CASKIN1: variants seen among roughly 807,000 people sequenced by gnomAD.
CASKIN1 encodes CASK interacting protein 1.
A neutral mutation model predicts 117.5 loss-of-function variants in CASKIN1; 42 were observed. The observed-to-expected ratio is 0.36, with a 90% confidence interval of 0.28 to 0.46. The LOEUF (loss-of-function observed/expected upper bound fraction) is 0.46, where lower values mean the gene tolerates loss of function less well. Ranked by LOEUF, CASKIN1 falls within the 20% of genes least tolerant of loss-of-function variation. The probability of loss-of-function intolerance (pLI) is 1.00; values close to 1 mark genes in which losing one functional copy is unlikely to be tolerated. For missense variants in CASKIN1, 2,083 were observed against 2,077.3 expected, an observed-to-expected ratio of 1.00 and a Z score of -0.05; for synonymous variants, 1,148 against 961.7, an observed-to-expected ratio of 1.19 and a Z score of -3.59.
In CASKIN1 at chr16:2,178,655, C is replaced by A. The variant is rs1259158480; in HGVS notation, c.4200-9G>T. Reference sequence around the variant, plus strand: ...TTTCCGCCGCCGAGTCGCTGCGGGGCGCGGGGCAAGGGGCGTGAGTGGGCG... The same window carrying A: ...TTTCCGCCGCCGAGTCGCTGCGGGGAGCGGGGCAAGGGGCGTGAGTGGGCG... On this transcript the variant is annotated splice_polypyrimidine_tract_variant and intron_variant, in intron 19 of 19. Transcript: ENST00000343516. The A allele has an allele frequency of 2.5e-6, 4 of 1,582,130 alleles. No individual in the cohort carries two copies. The highest frequency in any genetic ancestry group is 2.6e-6 in the Non-Finnish European group (3 of 1,171,440).
At position 2,178,665 on chromosome 16, in the gene CASKIN1, G is replaced by A. The variant is rs762072410; in HGVS notation, c.4200-19C>T. ...CGAGTCGCTGCGGGGCGCGGGGCAA[G>A]GGGCGTGAGTGGGCGGGGCGGGTCT... is the stretch of plus-strand genomic sequence containing the variant. On this transcript the variant is annotated intron_variant, in intron 19 of 19. Transcript: ENST00000343516. The A allele has an allele frequency of 2.3e-4, 360 of 1,578,840 alleles. 2 individuals are homozygous for A. Among genetic ancestry groups the A allele is most frequent in the African/African-American group, 3.9e-4 (28 of 72,062 alleles).
Position 2,187,280 on chromosome 16 carries a change from C to A in CASKIN1, c.727-6G>T. The A allele has an allele frequency of 6.2e-7, 1 of 1,613,990 alleles. No individual in the cohort carries two copies. Among genetic ancestry groups the A allele is most frequent in the Non-Finnish European group, 8.5e-7 (1 of 1,179,958 alleles). On this transcript the variant is annotated splice_polypyrimidine_tract_variant and splice_region_variant and intron_variant, in intron 7 of 19. Transcript: ENST00000343516. ...ACGTGGGCATTGATCCCGCTCTGCA[C>A]ATGTGAGAGATGAGGCTCTGTCAGG...
intron 17 of CASKIN1, 28 bp downstream of exon 17, chr16:2,181,763 G>C (rs778364644): frequency 1.2e-5 from 20 of 1,607,200 alleles, no homozygotes; most frequent in South Asian, 7.7e-5. Flanking sequence ...GGTTGGGCTG[G>C]GGACGAGGGC....
rs774955497 is a variant in CASKIN1 at position 2,189,403 on chromosome 16, C to G, written c.390+16G>C. The G allele has an allele frequency of 6.2e-7, 1 of 1,610,446 alleles. No individual in the cohort carries two copies. On this transcript the variant is annotated intron_variant, in intron 4 of 19. Coordinates refer to ENST00000343516, the MANE Select transcript of CASKIN1 (RefSeq NM_020764.4). ...GCTGCCCCGCCCCCGCTGCCCCGCC[C>G]CCGCTCGGGCCTCACCACATCATAG...
chr16:2,196,159 C>T lies in CASKIN1; in HGVS notation c.94+180G>A, dbSNP rs2093215401. Among the ~76,000 whole-genome samples, 1 of 151,916 alleles carries T rather than the reference C, an allele frequency of 6.6e-6. No individual in the cohort carries two copies. The highest frequency in any genetic ancestry group is 1.5e-5 in the Non-Finnish European group (1 of 67,918). ...TGGCGGCCGGCTCTCGGGGCCGCCC[C>T]ATCTCCAGTGCTGGGGGCAGCGGGT... is the stretch of plus-strand genomic sequence containing the variant. On this transcript the variant is annotated intron_variant, in intron 1 of 19. Transcript: ENST00000343516. This position sits in a 1 kb window ranked among gnomAD's most constrained non-coding sequence, Gnocchi z 5.7.
At chr16:2,195,209 A>G (rs532771282) in intron 1 of CASKIN1, among the ~76,000 whole-genome samples, 32 of 152,302 alleles carry the variant, frequency 2.1e-4, no homozygotes, top group African/African-American at 7.7e-4. Flanking sequence ...CACAGAGTGG[A>G]CAGGAGCTAG....
intron 2 of CASKIN1, 67 bp from the exon 3 acceptor site, chr16:2,190,237 C>T: frequency 6.3e-7 from 1 of 1,591,890 alleles, no homozygotes; most frequent in Non-Finnish European, 8.6e-7. Flanking sequence ...ACCCTGCCCT[C>T]CCCCGGCACC....
chr16:2,186,036 A>G (rs1051423669), intron 10 of CASKIN1, among the ~76,000 whole-genome samples: 3 of 152,000 alleles, frequency 2.0e-5, no homozygotes, highest in Non-Finnish European at 4.4e-5. Context: ...GGCTGGTGCA[A>G]TCTTCGCTCA....
chr16:2,189,480 A>G lies in CASKIN1; in HGVS notation c.329T>C (p.Ile110Thr). 6.2e-7 allele frequency: 1 copy of G among 1,612,132 alleles called. No homozygotes were observed. The highest frequency in any genetic ancestry group is 8.5e-7 in the Non-Finnish European group (1 of 1,179,772). Residue 110 changes from isoleucine to threonine, a missense_variant, in exon 4 of 20, where the codon ATC becomes ACC. Ile to Thr is a moderately conservative substitution (Grantham distance 89). Around this residue, in one of 3 missense-constraint regions of CASKIN1, gnomAD observed 203 missense variants for 338.7 expected, o/e 0.60. Transcript: ENST00000343516. ...LVLKAGSAVNIPSDEGHIPLH... is the reference protein window; with the variant it reads ...LVLKAGSAVNTPSDEGHIPLH... ...GGGGATGTGGCCCTCATCAGACGGG[A>G]TGTTCACGGCCGAGCCCGCCTTCAG...
intron 3 of CASKIN1, 46 bp from the exon 4 acceptor site, chr16:2,189,610 C>T (rs558745946): frequency 6.5e-7 from 1 of 1,550,164 alleles, no homozygotes; most frequent in Admixed American, 1.8e-5. Flanking sequence ...ACCCCAAACC[C>T]AACCCTGGAG....
Position 2,179,399 on chromosome 16 carries a change from G to A in CASKIN1, c.3776-74C>T. ...GCGCCCCCTGCCCCAGCCTCCCGCG[G>A]CTTCCTCCCCAGCGGACCGGGAAAG... On this transcript the variant is annotated intron_variant, in intron 18 of 19. Transcript: ENST00000343516. The surrounding 1 kb of genome is among the most constrained non-coding windows in gnomAD (Gnocchi z 5.8). 7.7e-7 allele frequency: 1 copy of A among 1,306,442 alleles called. No individual in the cohort carries two copies. The highest frequency in any genetic ancestry group is 2.5e-5 in the South Asian group (1 of 39,588). 80.9% of individuals were successfully genotyped at this position (1,306,442 alleles called of 1,614,324 possible).
chr16:2,179,954 G>C lies in CASKIN1; in HGVS notation c.3414C>G (p.Val1138=), dbSNP rs1256544443. The part of the protein sequence containing the change: ...IRAKQNQQEN[V]KFILTESDTV... ...TGTCAGACTCGGTCAGGATGAACTTGACGTTCTCCTGCTGGTTCTGCTTGG... is the reference window on the plus strand; with the variant it reads ...TGTCAGACTCGGTCAGGATGAACTTCACGTTCTCCTGCTGGTTCTGCTTGG... The change falls in exon 18 of 20, where the codon GTC becomes GTG. Residue 1138 remains valine (V), a synonymous_variant. Coordinates refer to ENST00000343516, the MANE Select transcript of CASKIN1 (RefSeq NM_020764.4). The surrounding 1 kb of genome is among the most constrained non-coding windows in gnomAD (Gnocchi z 5.8). The C allele has an allele frequency of 4.4e-6, 7 of 1,606,714 alleles. No homozygotes were observed. The highest frequency in any genetic ancestry group is 2.2e-5 in the East Asian group (1 of 44,506).
Position 2,179,315 on chromosome 16 carries a change from G to A in CASKIN1, c.3786C>T (p.Arg1262=). 1 of 1,238,004 alleles carries A rather than the reference G, an allele frequency of 8.1e-7. No homozygotes were observed. The highest frequency in any genetic ancestry group is 1.0e-6 in the Non-Finnish European group (1 of 992,538). 76.7% of individuals were successfully genotyped at this position (1,238,004 alleles called of 1,614,324 possible). A position where few individuals can be genotyped will look rare whatever the true frequency, so the allele number is the denominator to read the frequency against. The change falls in exon 19 of 20, where the codon CGC becomes CGT. Residue 1262 remains arginine (R), a synonymous_variant. Coordinates refer to ENST00000343516, the MANE Select transcript of CASKIN1 (RefSeq NM_020764.4). This position sits in a 1 kb window ranked among gnomAD's most constrained non-coding sequence, Gnocchi z 5.8. ...ACACGGGCGGTGGCGTGCCGTGGGC[G>A]CGCTTCACCTCTGCGGGGAGGACCA... ...LPGPGSPEVK[R]AHGTPPPVSP...
intron 10 of CASKIN1, among the ~76,000 whole-genome samples, chr16:2,186,175 C>T (rs112314618): frequency 7.8e-4 from 119 of 152,268 alleles, no homozygotes; most frequent in African/African-American, 2.8e-3. Context: ...CACTATGTTG[C>T]CCAGGCTGAT....
chr16:2,190,008 G>C, intron 3 of CASKIN1, 65 bp downstream of exon 3: 1 of 1,420,144 alleles, frequency 7.0e-7, no homozygotes, highest in South Asian at 1.2e-5. Context: ...ATCCATGCAG[G>C]CCCTGGGGAG....
rs1474057080 is a variant in CASKIN1 at position 2,180,208 on chromosome 16, C to T, written c.3160G>A (p.Gly1054Arg). The change falls in exon 18 of 20, where the codon GGG becomes AGG. Residue 1054 changes from glycine to arginine, a missense_variant. By Grantham distance (125) the Gly-to-Arg change is moderately radical (BLOSUM62 -2). Coordinates refer to ENST00000343516, the MANE Select transcript of CASKIN1 (RefSeq NM_020764.4). Reference sequence around the variant, plus strand: ...CGGTTCACCACCTCCCCGCCAGGCCCGATGGCCTCTTTGTGTTTCACTGAG... The same window carrying T: ...CGGTTCACCACCTCCCCGCCAGGCCTGATGGCCTCTTTGTGTTTCACTGAG... ...LASVKHKEAI[G>R]PGGEVVNRRR... 6.5e-6 allele frequency: 10 copies of T among 1,550,036 alleles called. No homozygotes were observed. The highest frequency in any genetic ancestry group is 1.9e-5 in the Admixed American group (1 of 51,286).
At position 2,180,534 on chromosome 16, in the gene CASKIN1, G is replaced by A. The variant is rs1235103908; in HGVS notation, c.2834C>T (p.Pro945Leu). 1 of 1,547,232 alleles carries A rather than the reference G, an allele frequency of 6.5e-7. No individual in the cohort carries two copies. Residue 945 changes from proline to leucine, a missense_variant, in exon 18 of 20, where the codon CCC (proline) becomes CTC (leucine). Physicochemically the swap from Pro to Leu is moderately conservative, Grantham distance 98. This residue lies in a region of CASKIN1 where 1,818 missense variants were observed against 1,688.9 expected (regional missense o/e 1.08). Coordinates refer to ENST00000343516, the MANE Select transcript of CASKIN1 (RefSeq NM_020764.4). ...SFAVRPRKKG[P>L]PPPPPKRSSS... ...GGAGCGCTTGGGTGGGGGCGGCGGG[G>A]GCCCCTTCTTTCGGGGCCGCACGGC...
chr16:2,187,910 G>T (rs770009230), intron 6 of CASKIN1, among the ~76,000 whole-genome samples: 1 of 150,064 alleles, frequency 6.7e-6, no homozygotes, highest in Non-Finnish European at 1.5e-5. Flanking sequence ...CTAAGACGGG[G>T]TCTCACTCTG....
At position 2,180,683 on chromosome 16, in the gene CASKIN1, C is replaced by A; in HGVS notation, c.2685G>T (p.Arg895=). The A allele has an allele frequency of 6.6e-7, 1 of 1,507,972 alleles. No individual in the cohort carries two copies. Among genetic ancestry groups the A allele is most frequent in the Non-Finnish European group, 8.8e-7 (1 of 1,133,588 alleles). 93.4% of individuals were successfully genotyped at this position (1,507,972 alleles called of 1,614,324 possible). The change falls in exon 18 of 20, where the codon CGG becomes CGT. Residue 895 remains arginine, a synonymous_variant. Coordinates refer to ENST00000343516, the MANE Select transcript of CASKIN1 (RefSeq NM_020764.4). ...RYAASDSEPE[R]DELLVPAAAG... ...CAGCCGCAGGCACCAGCAGCTCGTC[C>A]CGCTCCGGCTCGCTGTCGGACGCCG... is the stretch of plus-strand genomic sequence containing the variant.
Sources: allele counts gnomAD v4.1 joint callset (sites outside exome capture counted in the v4.1 genomes callset), GRCh38; gene constraint gnomAD v4.1.1; regional missense constraint gnomAD v4.1.1; non-coding constraint Gnocchi (gnomAD v3.1); transcripts MANE v1.5; gene names NCBI Gene and HGNC (gene_info 2026-07-23, HGNC 2026-07-21).